KCNAB1: variants seen among roughly 807,000 people sequenced by gnomAD.
KCNAB1 encodes the protein voltage-gated potassium channel subunit beta-1.
Under a neutral mutation model 64.6 loss-of-function variants are expected in KCNAB1, and 35 were observed. The observed-to-expected ratio is 0.54, with a 90% CI of 0.41 to 0.72. KCNAB1 has a LOEUF of 0.72. Among genes scored for constraint, KCNAB1 ranks in the 30% least tolerant of loss-of-function variants. The pLI is 0.00. For synonymous variants in KCNAB1, 177 were observed against 183.8 expected (o/e 0.96, Z 0.30); for missense variants, 401 against 512.9 (o/e 0.78, Z 2.11).
chr3:156,311,524 G>A lies in KCNAB1; in HGVS notation c.276-110092G>A, dbSNP rs546456064. Among the ~76,000 whole-genome samples, 12 of 152,278 alleles carry A rather than the reference G, an allele frequency of 7.9e-5. No individual in the cohort carries two copies. The South Asian group carries it at 1.2e-3, about 16-fold the overall frequency. On this transcript the variant is annotated intron_variant, in intron 1 of 13. Coordinates refer to ENST00000490337, the MANE Select transcript of KCNAB1 (RefSeq NM_172160.3). ...AGGTGAGCTGTGTGAGGTGGAGGGA[G>A]GACTAGTCTGCCTGGAGCAGAGGCA...
At chr3:156,524,687 C>A (rs752379169) in intron 12 of KCNAB1, among the ~76,000 whole-genome samples, 6 of 133,354 alleles carry the variant, frequency 4.5e-5, no homozygotes, top group Non-Finnish European at 9.1e-5. Flanking sequence ...GCGGAGCTTG[C>A]AGTAAGCCCA....
chr3:156,146,151 GA>G (rs905220753), intron 1 of KCNAB1, among the ~76,000 whole-genome samples: 65 of 151,838 alleles, frequency 4.3e-4, no homozygotes, highest in African/African-American at 1.5e-3. Context: ...ACCAGGAGGA[GA>G]AAAAAAATAA....
intron 1 of KCNAB1, among the ~76,000 whole-genome samples, chr3:156,141,949 A>G (rs937455802): frequency 6.6e-6 from 1 of 152,172 alleles, no homozygotes; most frequent in Non-Finnish European, 1.5e-5. Flanking sequence ...TATTTTAGCT[A>G]TTGTGATAGG....
chr3:156,298,785 T>A (rs992864975), intron 1 of KCNAB1, among the ~76,000 whole-genome samples: 1 of 152,238 alleles, frequency 6.6e-6, no homozygotes, highest in African/African-American at 2.4e-5. Context: ...GCCATTCAGA[T>A]AAATAGCTAT....
intron 1 of KCNAB1, among the ~76,000 whole-genome samples, chr3:156,239,641 A>C (rs996220657): frequency 5.9e-5 from 9 of 152,172 alleles, no homozygotes; most frequent in Admixed American, 5.9e-4. Context: ...GAGAGCCGAC[A>C]CTCACCACAC....
intron 1 of KCNAB1, among the ~76,000 whole-genome samples, chr3:156,231,500 C>T (rs1218684454): frequency 7.8e-6 from 1 of 128,262 alleles, no homozygotes; most frequent in East Asian, 2.8e-4. Flanking sequence ...CCTCCCCTCC[C>T]TCCCTCCCTC....
At chr3:156,289,222 T>G (rs1349331450) in intron 1 of KCNAB1, among the ~76,000 whole-genome samples, 1 of 152,228 alleles carries the variant, frequency 6.6e-6, no homozygotes, top group African/African-American at 2.4e-5. Flanking sequence ...CCTGTGGAAC[T>G]GACAGCACTC....
chr3:156,290,694 G>A (rs1235508779), intron 1 of KCNAB1, among the ~76,000 whole-genome samples: 1 of 152,158 alleles, frequency 6.6e-6, no homozygotes, highest in African/African-American at 2.4e-5. Context: ...TCAGCCACAT[G>A]CCTGGACCTT....
At chr3:156,377,083 G>A (rs1240626134) in intron 1 of KCNAB1, among the ~76,000 whole-genome samples, 1 of 152,198 alleles carries the variant, frequency 6.6e-6, no homozygotes, top group African/African-American at 2.4e-5. Context: ...TTCTAAGGAT[G>A]TATCTGGTTT....
chr3:156,444,400 T>G (rs1239180721), intron 2 of KCNAB1, among the ~76,000 whole-genome samples: 1 of 152,142 alleles, frequency 6.6e-6, no homozygotes, highest in East Asian at 1.9e-4. Flanking sequence ...TGATCTGAGA[T>G]TGGGAGAATT....
Position 156,224,226 on chromosome 3 carries a change from G to T in KCNAB1, c.275+103340G>T, listed in dbSNP as rs535964956. Among the ~76,000 whole-genome samples the T allele has an allele frequency of 1.3e-5, 2 of 152,334 alleles. 1 individual carries two copies. The highest frequency in any genetic ancestry group is 2.9e-5 in the Non-Finnish European group (2 of 68,016). On this transcript the variant is annotated intron_variant, in intron 1 of 13. Transcript: ENST00000490337. ...AGCCAGCCGGCCGCTCTGAGTGCGG[G>T]CCCACTGAGCCCACGCCCACCCGGA...
At chr3:156,207,376 C>T (rs1432285790) in intron 1 of KCNAB1, among the ~76,000 whole-genome samples, 1 of 152,166 alleles carries the variant, frequency 6.6e-6, no homozygotes. Flanking sequence ...CTCTAGGCAG[C>T]CTACTCTTTA....
At chr3:156,409,754 A>G (rs894262358) in intron 1 of KCNAB1, among the ~76,000 whole-genome samples, 19 of 152,222 alleles carry the variant, frequency 1.2e-4, no homozygotes, top group African/African-American at 4.3e-4. Context: ...TCACTGCACA[A>G]TGAGATATAT....
chr3:156,299,680 A>G (rs1322372924), intron 1 of KCNAB1, among the ~76,000 whole-genome samples: 1 of 152,110 alleles, frequency 6.6e-6, no homozygotes, highest in African/African-American at 2.4e-5. Flanking sequence ...ATTTTCATTT[A>G]CCCAGATTGG....
intron 1 of KCNAB1, among the ~76,000 whole-genome samples, chr3:156,174,021 C>T (rs186348881): frequency 6.6e-6 from 1 of 152,196 alleles, no homozygotes; most frequent in African/African-American, 2.4e-5. Flanking sequence ...CGTACTGGAA[C>T]AACACCACCA....
At chr3:156,166,993 GCAACAAGTCTCCA>G (rs1411653495) in intron 1 of KCNAB1, among the ~76,000 whole-genome samples, 1 of 152,142 alleles carries the variant, frequency 6.6e-6, no homozygotes, top group Non-Finnish European at 1.5e-5. Flanking sequence ...TCCCTGAAGG[GCAACAAGTCTCCA>G]TTCCTGACCA....
intron 1 of KCNAB1, among the ~76,000 whole-genome samples, chr3:156,312,459 A>G (rs1008778685): frequency 1.3e-5 from 2 of 152,172 alleles, no homozygotes; most frequent in African/African-American, 4.8e-5. Context: ...ATTTCATAAT[A>G]CCAGCACTTC....
chr3:156,217,682 T>C (rs1172428094), intron 1 of KCNAB1, among the ~76,000 whole-genome samples: 1 of 152,254 alleles, frequency 6.6e-6, no homozygotes, highest in Non-Finnish European at 1.5e-5. Flanking sequence ...ATTATTGATA[T>C]AGAAAGAGTG....
intron 1 of KCNAB1, among the ~76,000 whole-genome samples, chr3:156,191,614 C>T (rs148898743): frequency 2.2e-4 from 33 of 152,214 alleles, no homozygotes; most frequent in East Asian, 7.7e-4. Context: ...AAAATGTGCC[C>T]GGGTTCTTAC....
Sources: allele counts gnomAD v4.1 joint callset (sites outside exome capture counted in the v4.1 genomes callset), GRCh38; gene constraint gnomAD v4.1.1; transcripts MANE v1.5; gene names NCBI Gene and HGNC (gene_info 2026-07-23, HGNC 2026-07-21).